The following CACNB2 variants were observed in gnomAD, a reference collection of about 807,000 sequenced individuals.
The protein encoded by CACNB2 is voltage-dependent L-type calcium channel subunit beta-2.
Under a neutral mutation model 73.3 loss-of-function variants are expected in CACNB2, and 42 were observed. The observed-to-expected ratio is 0.57, with a 90% confidence interval of 0.45 to 0.74. The LOEUF is 0.74. CACNB2 is among the 30% of genes least tolerant of loss of function. The pLI, the probability that CACNB2 is intolerant of heterozygous loss-of-function variation, is 0.00. For synonymous variants in CACNB2, 348 were observed against 310.3 expected, an observed-to-expected ratio of 1.12 and a Z score of -1.28; for missense variants, 940 against 853.0, an observed-to-expected ratio of 1.10 and a Z score of -1.27.
intron 2 of CACNB2, among the ~76,000 whole-genome samples, chr10:18,191,564 A>C (rs947073415): frequency 5.3e-5 from 8 of 152,076 alleles, no homozygotes; most frequent in African/African-American, 1.9e-4. Context: ...ACTGTACCCT[A>C]TTTGTAGTCT....
At chr10:18,205,644 C>G (rs758613817) in intron 2 of CACNB2, among the ~76,000 whole-genome samples, 3 of 152,186 alleles carry the variant, frequency 2.0e-5, no homozygotes, top group Non-Finnish European at 2.9e-5. Context: ...TGAATGAAAT[C>G]TGATCTCCAT....
At chr10:18,504,391 C>T (rs1229047815) in intron 5 of CACNB2, among the ~76,000 whole-genome samples, 1 of 151,898 alleles carries the variant, frequency 6.6e-6, no homozygotes, top group Non-Finnish European at 1.5e-5. Flanking sequence ...ATGGTTATTG[C>T]CATCTGTTAT....
chr10:18,393,717 G>GA (rs2132470088), intron 2 of CACNB2, among the ~76,000 whole-genome samples: 1 of 152,294 alleles, frequency 6.6e-6, no homozygotes, highest in South Asian at 2.1e-4. Flanking sequence ...AGCAAAGAGA[G>GA]AAAAACTTAA....
intron 2 of CACNB2, among the ~76,000 whole-genome samples, chr10:18,271,686 G>C (rs554882734): frequency 1.9e-4 from 29 of 152,212 alleles, no homozygotes; most frequent in African/African-American, 6.7e-4. Context: ...TTGTGTTGTT[G>C]GTTTAGAGGC....
rs996542529 is a variant in CACNB2 at position 18,513,795 on chromosome 10, A to C, written c.671-441A>C. ...CCAATATCAAATGGCAAATTCCAAC[A>C]GTGCAAAAACCGCAATTACTTTTGC... On this transcript the variant is annotated intron_variant, in intron 6 of 13. Transcript: ENST00000324631. 6.2e-4 allele frequency: 153 copies of C among 246,970 alleles called. 1 individual carries two copies. Among genetic ancestry groups the C allele is most frequent in the Non-Finnish European group, 1.1e-3 (140 of 125,112 alleles). The allele number at this position is 246,970 out of a possible 1,614,324, so 15.3% of individuals were successfully genotyped here. A position where few individuals can be genotyped will look rare whatever the true frequency, so the allele number is the denominator to read the frequency against.
intron 3 of CACNB2, among the ~76,000 whole-genome samples, chr10:18,439,362 C>T (rs186059300): frequency 6.6e-6 from 1 of 152,282 alleles, no homozygotes; most frequent in Non-Finnish European, 1.5e-5. Flanking sequence ...GTTCCTGGTA[C>T]AGCAGAGGGG....
At chr10:18,407,105 C>T (rs1203079207) in intron 3 of CACNB2, among the ~76,000 whole-genome samples, 3 of 57,040 alleles carry the variant, frequency 5.3e-5, no homozygotes, top group African/African-American at 1.2e-4. Context: ...ACCTGCTGTT[C>T]TGTCTTTTTT....
At chr10:18,205,894 T>A (rs1046114478) in intron 2 of CACNB2, among the ~76,000 whole-genome samples, 1 of 152,152 alleles carries the variant, frequency 6.6e-6, no homozygotes, top group East Asian at 1.9e-4. Flanking sequence ...TTTGCAAGGG[T>A]TCCATCTGTT....
At chr10:18,397,513 A>G (rs2043774492) in intron 2 of CACNB2, among the ~76,000 whole-genome samples, 1 of 152,054 alleles carries the variant, frequency 6.6e-6, no homozygotes, top group East Asian at 1.9e-4. Flanking sequence ...TGTGAACGTT[A>G]GACATAAAAG....
Position 18,225,798 on chromosome 10 carries a change from C to G in CACNB2, c.213+74823C>G, listed in dbSNP as rs1031699307. Among the ~76,000 whole-genome samples the G allele has an allele frequency of 3.9e-5, 6 of 152,028 alleles. No homozygotes were observed. In the East Asian group the frequency reaches 1.2e-3, roughly 30 times the overall value. ...GGAACTACAGATGTGCACCATCACA[C>G]CTGGATAAGTTTTTAAATTTTTGTA... On this transcript the variant is annotated intron_variant, in intron 2 of 13. Transcript: ENST00000324631.
At chr10:18,467,506 G>T (rs1031179175) in intron 3 of CACNB2, among the ~76,000 whole-genome samples, 2 of 152,350 alleles carry the variant, frequency 1.3e-5, no homozygotes, top group Non-Finnish European at 2.9e-5. Context: ...AGTAAGACTA[G>T]ACCTACGTAA....
intron 2 of CACNB2, among the ~76,000 whole-genome samples, chr10:18,401,301 C>A (rs962539095): frequency 7.9e-5 from 12 of 152,158 alleles, no homozygotes; most frequent in Non-Finnish European, 1.6e-4. Context: ...CTATCCCAGG[C>A]AGGTGTTTTC....
chr10:18,343,451 T>C (rs1232228848), intron 2 of CACNB2, among the ~76,000 whole-genome samples: 2 of 152,218 alleles, frequency 1.3e-5, no homozygotes, highest in African/African-American at 2.4e-5. Flanking sequence ...TTTTATCTTC[T>C]CTGAGCCTCA....
intron 2 of CACNB2, among the ~76,000 whole-genome samples, chr10:18,194,985 A>G (rs893737170): frequency 2.0e-5 from 3 of 152,194 alleles, no homozygotes; most frequent in African/African-American, 4.8e-5. Context: ...GAGACCTTCA[A>G]TGAGGCTGAT....
intron 2 of CACNB2, among the ~76,000 whole-genome samples, chr10:18,168,497 T>TTGTG (rs111401264): frequency 0.33 from 48,742 of 149,826 alleles, 7,987 homozygotes; most frequent in African/African-American, 0.42. Context: ...TCTTCCTTCT[T>TTGTG]TGTGTGTGTG....
chr10:18,408,860 A>G (rs1390322779), intron 3 of CACNB2, among the ~76,000 whole-genome samples: 4 of 152,000 alleles, frequency 2.6e-5, no homozygotes, highest in Non-Finnish European at 1.5e-5. Flanking sequence ...TTTGTTTATT[A>G]TTATTTTTTT....
chr10:18,350,984 CT>C (rs1379414423), intron 2 of CACNB2, among the ~76,000 whole-genome samples: 3 of 152,144 alleles, frequency 2.0e-5, no homozygotes, highest in Non-Finnish European at 4.4e-5. Flanking sequence ...AGTTTTCAAT[CT>C]TCTAGAATGA....
At chr10:18,221,209 T>C (rs1168272981) in intron 2 of CACNB2, among the ~76,000 whole-genome samples, 1 of 152,182 alleles carries the variant, frequency 6.6e-6, no homozygotes, top group African/African-American at 2.4e-5. Flanking sequence ...GACACCTGCT[T>C]CCATTCTAGC....
intron 2 of CACNB2, among the ~76,000 whole-genome samples, chr10:18,226,628 G>A (rs533186152): frequency 4.6e-5 from 7 of 152,108 alleles, no homozygotes; most frequent in South Asian, 2.1e-4. Flanking sequence ...GCGTGTGGCC[G>A]TATGATCACT....
Sources: allele counts gnomAD v4.1 joint callset (sites outside exome capture counted in the v4.1 genomes callset), GRCh38; gene constraint gnomAD v4.1.1; transcripts MANE v1.5; gene names NCBI Gene and HGNC (gene_info 2026-07-23, HGNC 2026-07-21).